STS: variants seen among roughly 807,000 people sequenced by gnomAD.
STS encodes the protein steroid sulfatase.
STS carries 7 observed loss-of-function variants against 26.8 expected under a neutral mutation model. That is an observed-to-expected ratio of 0.26 (90% CI 0.15 to 0.49). The LOEUF (loss-of-function observed/expected upper bound fraction) is 0.49. STS is among the 20% of genes least tolerant of loss of function. The pLI, the probability that STS is intolerant of heterozygous loss-of-function variation, is 0.98. For missense variants in STS, 434 were observed against 465.6 expected (o/e 0.93, Z 0.63); for synonymous variants, 199 against 189.4 (o/e 1.05, Z -0.42).
chrX:7,237,105 A>G (rs144112203), intron 2 of STS, among the ~76,000 whole-genome samples: 2,440 of 109,471 alleles, frequency 0.022, 33 homozygotes, highest in Middle Eastern at 0.06. Flanking sequence ...ACACATATCT[A>G]TTATGTGATT....
chrX:7,306,920 C>T (rs1569219895), intron 8 of STS, among the ~76,000 whole-genome samples: 2 of 111,879 alleles, frequency 1.8e-5, no homozygotes, highest in South Asian at 7.6e-4. Context: ...GAGAAATAGT[C>T]CTCTGTAGTC....
intron 7 of STS, among the ~76,000 whole-genome samples, chrX:7,285,976 G>A (rs749547333): frequency 1.5e-4 from 17 of 111,586 alleles, no homozygotes; most frequent in South Asian, 3.7e-4. Context: ...TAAATATTCA[G>A]CCAACACCTC....
intron 7 of STS, among the ~76,000 whole-genome samples, chrX:7,288,256 T>G (rs1925239519): frequency 9.1e-6 from 1 of 110,189 alleles, no homozygotes; most frequent in South Asian, 3.9e-4. Context: ...GGAAGATTTT[T>G]TTTTTTTAAA....
intron 1 of STS, among the ~76,000 whole-genome samples, chrX:7,177,035 T>C (rs1933584318): frequency 8.9e-6 from 1 of 111,802 alleles, no homozygotes. Flanking sequence ...CTTTAAAAAC[T>C]TACCTCATCA....
At chrX:7,248,535 A>G (rs1922992974) in intron 2 of STS, among the ~76,000 whole-genome samples, 1 of 112,366 alleles carries the variant, frequency 8.9e-6, no homozygotes, top group Non-Finnish European at 1.9e-5. Flanking sequence ...CTGAACAAGT[A>G]TACTGTGGTC....
intron 1 of STS, among the ~76,000 whole-genome samples, chrX:7,184,123 T>C (rs965268806): frequency 1.6e-4 from 18 of 112,350 alleles, no homozygotes; most frequent in Non-Finnish European, 7.5e-5. Context: ...ATCAAATTCA[T>C]TGGCCAGTTT....
rs191234826 is a variant in STS at position 7,298,830 on chromosome X, A to G, written c.944-6216A>G. 2.2e-4 allele frequency among the ~76,000 whole-genome samples: 24 copies of G among 108,296 alleles called. No homozygotes were observed. In the East Asian group the frequency reaches 6.6e-3, roughly 30 times the overall value. The allele number at this position is 108,296 out of a possible 115,157, so 94.0% of individuals were successfully genotyped here. ...TGCTCACCAGCATAGCTTCAGGGAG[A>G]CTTTAGGGTACCATTGTGCCCTGGA... On this transcript the variant is annotated intron_variant, in intron 7 of 10. Coordinates refer to ENST00000674429, the MANE Select transcript of STS (RefSeq NM_001320752.2).
At chrX:7,276,204 G>A (rs1924530136) in intron 7 of STS, 117 bp downstream of exon 7, 2 of 1,003,457 alleles carry the variant, frequency 2.0e-6, no homozygotes, top group African/African-American at 1.9e-5. Context: ...AAATGTATGG[G>A]GTTTTTTGAA....
chrX:7,295,634 G>A (rs1034818336), intron 7 of STS, among the ~76,000 whole-genome samples: 1 of 109,970 alleles, frequency 9.1e-6, no homozygotes. Flanking sequence ...TAGGACCCAC[G>A]GTCCCTAGAA....
At chrX:7,240,554 A>T (rs1179893779) in intron 2 of STS, among the ~76,000 whole-genome samples, 1 of 82,812 alleles carries the variant, frequency 1.2e-5, no homozygotes, top group Non-Finnish European at 2.3e-5. Context: ...TATATATATA[A>T]AATGGATCCC....
At chrX:7,236,759 AT>A (rs1270600136) in intron 2 of STS, among the ~76,000 whole-genome samples, 2 of 112,030 alleles carry the variant, frequency 1.8e-5, no homozygotes, top group Non-Finnish European at 3.8e-5. Flanking sequence ...CTTTAAGCCA[AT>A]TAATTAGAGC....
chrX:7,313,421 G>C (rs1050333019), intron 8 of STS, among the ~76,000 whole-genome samples: 12 of 112,053 alleles, frequency 1.1e-4, no homozygotes, highest in African/African-American at 3.9e-4. Context: ...CTTTCTGAGA[G>C]CAATTGATAC....
At chrX:7,213,951 T>C (rs1460948853) in intron 2 of STS, among the ~76,000 whole-genome samples, 1 of 110,785 alleles carries the variant, frequency 9.0e-6, no homozygotes, top group Non-Finnish European at 1.9e-5. Flanking sequence ...GGCATGGTGG[T>C]ACCTGCGTGT....
At chrX:7,160,740 A>G (rs1235763037) in intron 1 of STS, among the ~76,000 whole-genome samples, 3 of 112,287 alleles carry the variant, frequency 2.7e-5, no homozygotes, top group African/African-American at 9.7e-5. Flanking sequence ...GCTTTTCTAA[A>G]GGATGAATTT....
rs752171005 is a variant in STS, at chrX:7,325,421, G to A, written c.1164G>A (p.Lys388=). The change falls in exon 9 of 11, where the codon AAG becomes AAA. Residue 388 remains lysine (K), a synonymous_variant. Transcript: ENST00000674429. The stretch of plus-strand genomic sequence containing the variant: ...CCAGGGTGATACAGGCTGGCCAGAA[G>A]ATTGATGAGCCCACTAGCAACATGG... ...RWPRVIQAGQ[K]IDEPTSNMDI... The A allele has an allele frequency of 8.3e-7, 1 of 1,209,593 alleles. No homozygotes were observed. The highest frequency in any genetic ancestry group is 1.1e-6 in the Non-Finnish European group (1 of 895,056).
intron 10 of STS, among the ~76,000 whole-genome samples, chrX:7,336,239 G>GCGGGGGGC: frequency 1.1e-5 from 1 of 88,768 alleles, no homozygotes; most frequent in African/African-American, 4.1e-5. Context: ...ACCTAGGACT[G>GCGGGGGGC]CCCCCCCCAC....
chrX:7,219,778 T>C, intron 2 of STS: 2 of 997,313 alleles, frequency 2.0e-6, no homozygotes, highest in African/African-American at 3.7e-5. Flanking sequence ...TTGTGTTGCA[T>C]ATTCTCCCAA....
At chrX:7,204,487 C>G (rs905655656) in intron 2 of STS, among the ~76,000 whole-genome samples, 1 of 103,073 alleles carries the variant, frequency 9.7e-6, no homozygotes, top group Non-Finnish European at 2.0e-5. Flanking sequence ...CTTCCTCCCT[C>G]CCTTCCTTCC....
intron 2 of STS, among the ~76,000 whole-genome samples, chrX:7,235,330 T>A (rs750981260): frequency 6.2e-5 from 7 of 112,068 alleles, no homozygotes; most frequent in Non-Finnish European, 1.3e-4. Context: ...CTGCCTATGA[T>A]GGCACTCAAA....
Sources: gnomAD v4.1 joint callset for allele counts (sites outside exome capture counted in the v4.1 genomes callset) on GRCh38, gnomAD v4.1.1 for gene constraint, MANE v1.5 for transcripts, NCBI Gene and HGNC (gene_info 2026-07-23, HGNC 2026-07-21) for gene names.